The following NR6A1 variants were observed in gnomAD, a reference collection of about 807,000 sequenced individuals.
NR6A1 encodes nuclear receptor subfamily 6 group A member 1, also known as retinoic acid receptor-related testis-associated receptor.
In NR6A1, 7 loss-of-function variants were observed where a neutral mutation model predicts 59.1. That is an observed-to-expected ratio of 0.12 (90% CI 0.07 to 0.22). NR6A1 has a LOEUF of 0.22. NR6A1 is among the 10% of genes least tolerant of loss of function. The pLI is 1.00. For synonymous variants in NR6A1, 243 were observed against 236.1 expected, an observed-to-expected ratio of 1.03 and a Z score of -0.27; for missense variants, 468 against 611.6, an observed-to-expected ratio of 0.77 and a Z score of 2.48.
chr9:124,556,114 C>A (rs1380794822), intron 2 of NR6A1, among the ~76,000 whole-genome samples: 1 of 152,228 alleles, frequency 6.6e-6, no homozygotes, highest in Admixed American at 6.5e-5. Flanking sequence ...ATCCTTGGAA[C>A]CTGTAAAATG....
intron 2 of NR6A1, among the ~76,000 whole-genome samples, chr9:124,592,368 T>C (rs1250839637): frequency 6.6e-6 from 1 of 152,234 alleles, no homozygotes; most frequent in Non-Finnish European, 1.5e-5. Context: ...GTAATATTTG[T>C]ATGTCCATGG....
At chr9:124,525,435 A>G (rs1181606082) in intron 8 of NR6A1, among the ~76,000 whole-genome samples, 1 of 151,948 alleles carries the variant, frequency 6.6e-6, no homozygotes, top group Non-Finnish European at 1.5e-5. Context: ...TGTGATCAAC[A>G]GCTCACTGCA....
intron 2 of NR6A1, chr9:124,599,036 CG>C: frequency 1.4e-6 from 1 of 736,270 alleles, no homozygotes; most frequent in Admixed American, 1.8e-5. Flanking sequence ...CATGAGGAGG[CG>C]GGTGGTCCCC....
chr9:124,693,092 G>A (rs1208916964), intron 2 of NR6A1, among the ~76,000 whole-genome samples: 4 of 152,106 alleles, frequency 2.6e-5, no homozygotes, highest in African/African-American at 9.7e-5. Context: ...CCCCACATAT[G>A]CTTATTTAAA....
chr9:124,611,682 G>T lies in NR6A1; in HGVS notation c.143-57112C>A, dbSNP rs997361199. Among the ~76,000 whole-genome samples the T allele has an allele frequency of 2.0e-5, 3 of 151,262 alleles. No homozygotes were observed. The South Asian group carries it at 6.3e-4, about 32-fold the overall frequency. Reference sequence around the variant, plus strand: ...GAGGATCACTTGAGCCTAGGAGGTCGAGGCTCCAGTGAGCCGTGATTACAC... The same window carrying T: ...GAGGATCACTTGAGCCTAGGAGGTCTAGGCTCCAGTGAGCCGTGATTACAC... On this transcript the variant is annotated intron_variant, in intron 2 of 9. Transcript: ENST00000487099.
At chr9:124,638,371 A>C (rs866802600) in intron 2 of NR6A1, among the ~76,000 whole-genome samples, 36 of 152,170 alleles carry the variant, frequency 2.4e-4, no homozygotes, top group African/African-American at 7.2e-4. Context: ...ACACAGAAAT[A>C]ATAAGAAATC....
intron 2 of NR6A1, among the ~76,000 whole-genome samples, chr9:124,584,974 G>A (rs1834879935): frequency 6.6e-6 from 1 of 152,220 alleles, no homozygotes; most frequent in Non-Finnish European, 1.5e-5. Context: ...TGCTACTCCA[G>A]TGAACACACA....
intron 2 of NR6A1, among the ~76,000 whole-genome samples, chr9:124,605,920 G>A (rs1364163261): frequency 1.3e-5 from 2 of 152,116 alleles, no homozygotes; most frequent in Non-Finnish European, 2.9e-5. Context: ...TATTTTAGTA[G>A]CTTCCTTTAT....
chr9:124,679,138 C>G (rs1838047434), intron 2 of NR6A1, among the ~76,000 whole-genome samples: 1 of 152,176 alleles, frequency 6.6e-6, no homozygotes, highest in Non-Finnish European at 1.5e-5. Flanking sequence ...AAGATACTAG[C>G]TAGGTATTTA....
At chr9:124,670,182 C>T (rs1018728489) in intron 2 of NR6A1, among the ~76,000 whole-genome samples, 1 of 150,512 alleles carries the variant, frequency 6.6e-6, no homozygotes, top group African/African-American at 2.5e-5. Context: ...GAGTTTGAGA[C>T]CAGCCCAGCC....
At chr9:124,638,083 A>G (rs1426061318) in intron 2 of NR6A1, among the ~76,000 whole-genome samples, 12 of 151,870 alleles carry the variant, frequency 7.9e-5, no homozygotes, top group Non-Finnish European at 1.8e-4. Flanking sequence ...TCCCATCTCT[A>G]CAAAAAATTA....
chr9:124,770,800 G>A (rs1038732691), intron 1 of NR6A1, among the ~76,000 whole-genome samples: 1 of 151,442 alleles, frequency 6.6e-6, no homozygotes, highest in Admixed American at 6.6e-5. Flanking sequence ...GGTCCGCGCA[G>A]AAGGGAACAG....
At chr9:124,528,311 G>A (rs1284627079) in intron 7 of NR6A1, among the ~76,000 whole-genome samples, 1 of 152,112 alleles carries the variant, frequency 6.6e-6, no homozygotes, top group Admixed American at 6.5e-5. Flanking sequence ...CTAGTTCTCT[G>A]TATCCATGGG....
At chr9:124,632,321 C>T (rs1836470254) in intron 2 of NR6A1, among the ~76,000 whole-genome samples, 1 of 152,156 alleles carries the variant, frequency 6.6e-6, no homozygotes, top group South Asian at 2.1e-4. Context: ...ACAATCTTGC[C>T]AGCGTCTGTT....
chr9:124,704,263 C>A (rs1839056748), intron 2 of NR6A1, among the ~76,000 whole-genome samples: 1 of 152,156 alleles, frequency 6.6e-6, no homozygotes, highest in Non-Finnish European at 1.5e-5. Context: ...TTTCCTTAGT[C>A]TTGGTAGGGG....
At chr9:124,586,599 C>T (rs1346779733) in intron 2 of NR6A1, among the ~76,000 whole-genome samples, 1 of 152,130 alleles carries the variant, frequency 6.6e-6, no homozygotes, top group Non-Finnish European at 1.5e-5. Context: ...GCATGCGCCA[C>T]CATGCCCAGC....
chr9:124,747,008 GT>G lies in NR6A1; in HGVS notation c.101-13660del. ...TCTTCTTAGGGAAAACTAGAAAAAA[GT>G]TAATGACAAAATGGCACTTGAATCA... is the stretch of plus-strand genomic sequence containing the variant. On this transcript the variant is annotated intron_variant, in intron 1 of 9. Coordinates refer to ENST00000487099, the MANE Select transcript of NR6A1 (RefSeq NM_033334.4). Among the ~76,000 whole-genome samples, 2 of 152,206 alleles carry G rather than the reference GT, an allele frequency of 1.3e-5. 1 individual carries two copies. The highest frequency in any genetic ancestry group is 4.1e-4 in the South Asian group (2 of 4,820).
At chr9:124,556,499 C>T in intron 2 of NR6A1, among the ~76,000 whole-genome samples, 1 of 148,178 alleles carries the variant, frequency 6.7e-6, no homozygotes, top group African/African-American at 2.5e-5. Context: ...CTTGCTCTGT[C>T]ACCCAGGCTG....
chr9:124,580,692 C>T (rs1273801167), intron 2 of NR6A1, among the ~76,000 whole-genome samples: 2 of 151,998 alleles, frequency 1.3e-5, no homozygotes, highest in East Asian at 1.9e-4. Context: ...TGGTGGCTCA[C>T]GCCTGTAATC....
Sources: gnomAD v4.1 joint callset for allele counts (sites outside exome capture counted in the v4.1 genomes callset) on GRCh38, gnomAD v4.1.1 for gene constraint, MANE v1.5 for transcripts, NCBI Gene and HGNC (gene_info 2026-07-23, HGNC 2026-07-21) for gene names.